The following SLC16A14 variants were observed in gnomAD, a reference collection of about 807,000 sequenced individuals.
SLC16A14 encodes monocarboxylate transporter 14.
In SLC16A14, 14 loss-of-function variants were observed where a neutral mutation model predicts 35.8. The ratio of observed to expected loss-of-function variants is 0.39; its 90% CI spans 0.26 to 0.61. The LOEUF is 0.61. Ranked by LOEUF, SLC16A14 falls within the 20% of genes least tolerant of loss-of-function variation. SLC16A14 has a pLI of 0.51. For missense variants in SLC16A14, 533 were observed against 655.0 expected (o/e 0.81, Z 2.03); for synonymous variants, 248 against 258.9 (o/e 0.96, Z 0.40).
intron 4 of SLC16A14, among the ~76,000 whole-genome samples, chr2:230,037,745 T>C (rs1309163079): frequency 1.3e-5 from 2 of 152,148 alleles, no homozygotes; most frequent in Non-Finnish European, 2.9e-5. Flanking sequence ...AAGGGTGTGC[T>C]GTACACCAGT....
At chr2:230,062,790 G>T (rs975626472) in intron 1 of SLC16A14, among the ~76,000 whole-genome samples, 5 of 152,100 alleles carry the variant, frequency 3.3e-5, no homozygotes, top group African/African-American at 1.2e-4. Context: ...TCTGTCTGGG[G>T]ATCATCTTCT....
At chr2:230,061,663 A>G (rs1233839413) in intron 1 of SLC16A14, among the ~76,000 whole-genome samples, 1 of 152,240 alleles carries the variant, frequency 6.6e-6, no homozygotes, top group Non-Finnish European at 1.5e-5. Flanking sequence ...AACAGTGAAG[A>G]CTGCGAGGTA....
At chr2:230,053,114 T>C (rs1432619642) in intron 2 of SLC16A14, among the ~76,000 whole-genome samples, 1 of 152,072 alleles carries the variant, frequency 6.6e-6, no homozygotes, top group African/African-American at 2.4e-5. Context: ...GCTAATTTTT[T>C]GTATTTTTAG....
Position 230,059,345 on chromosome 2 carries a change from G to T in SLC16A14, c.8C>A (p.Thr3Asn). 1 of 1,559,222 alleles carries T rather than the reference G, an allele frequency of 6.4e-7. No homozygotes were observed. Among genetic ancestry groups the T allele is most frequent in the Non-Finnish European group, 8.7e-7 (1 of 1,152,588 alleles). ...ATCATACCCAATATCTTCATGACTG[G>T]TATACATTTTCCAAGATTTTTCTGA... The part of the protein sequence containing the change: MY[T>N]SHEDIGYDFE... Residue 3 changes from threonine to asparagine, a missense_variant, in exon 2 of 5, where the codon ACC becomes AAC. Transcript: ENST00000295190.
At position 230,045,915 on chromosome 2, in the gene SLC16A14, G is replaced by A. The variant is rs199728364; in HGVS notation, c.1211C>T (p.Thr404Met). The change falls in exon 4 of 5, where the codon ACG (threonine) becomes ATG (methionine). Residue 404 changes from threonine (T) to methionine (M), a missense_variant. Coordinates refer to ENST00000295190, the MANE Select transcript of SLC16A14 (RefSeq NM_152527.5). ...ACAGATGACCGCCAGGCCAGCGTACGTGTGCATCAACGGCAGAATAAAAAT... is the reference window on the plus strand; with the variant it reads ...ACAGATGACCGCCAGGCCAGCGTACATGTGCATCAACGGCAGAATAAAAAT... ...LSIFILPLMH[T>M]YAGLAVICAL... 1.4e-5 allele frequency: 23 copies of A among 1,612,486 alleles called. No homozygotes were observed. In the East Asian group the frequency reaches 4.5e-4, roughly 31 times the overall value.
intron 2 of SLC16A14, 113 bp from the exon 3 acceptor site, chr2:230,050,017 A>G (rs1272365832): frequency 3.2e-6 from 4 of 1,263,288 alleles, no homozygotes; most frequent in Non-Finnish European, 4.3e-6. Context: ...GTTAAATGAC[A>G]CAAAAAGCCC....
chr2:230,063,523 A>C (rs956391338), intron 1 of SLC16A14, among the ~76,000 whole-genome samples: 16 of 152,184 alleles, frequency 1.1e-4, no homozygotes, highest in Admixed American at 8.5e-4. Flanking sequence ...ACTATCTAAC[A>C]TCAGAATACT....
In SLC16A14 at chr2:230,037,380, C is replaced by G. The variant is rs1577379485; in HGVS notation, c.1533G>C (p.Ter511TyrextTer85). The change falls in exon 5 of 5, where the codon TAG becomes TAC. Residue 511 changes from the stop codon to tyrosine, a stop_lost. Coordinates refer to ENST00000295190, the MANE Select transcript of SLC16A14 (RefSeq NM_152527.5). ...AACCTACACGGAACATTACATGATA[C>G]TAAACATGTGCACCATCCATGTATT... ...RRKYMDGAHV[*>Y] is the part of the protein sequence containing the mutation. 4 of 1,598,570 alleles carry G rather than the reference C, an allele frequency of 2.5e-6. No homozygotes were observed. The South Asian group carries it at 4.6e-5, about 18-fold the overall frequency.
intron 3 of SLC16A14, among the ~76,000 whole-genome samples, chr2:230,048,056 C>A (rs78944444): frequency 6.6e-6 from 1 of 152,284 alleles, no homozygotes; most frequent in East Asian, 1.9e-4. Context: ...TCACCTTCTC[C>A]TCCTGTCAAA....
At chr2:230,058,966 T>C in intron 2 of SLC16A14, 128 bp downstream of exon 2, 1 of 1,463,246 alleles carries the variant, frequency 6.8e-7, no homozygotes, top group Non-Finnish European at 9.1e-7. Context: ...GCATATTTTA[T>C]CACAATTGAA....
At position 230,036,765 on chromosome 2, in the gene SLC16A14, AGAG is replaced by A. The variant is rs1291759738; in HGVS notation, c.*612_*614del. ...GGATTAATGGCAAGTGCCTTCTTTT[AGAG>A]GAGGATTTAGGAGTCACAATCCCTA... On this transcript the variant is annotated 3_prime_UTR_variant, in exon 5 of 5. Transcript: ENST00000295190. 1.3e-5 allele frequency: 2 copies of A among 152,216 alleles called. No homozygotes were observed. The highest frequency in any genetic ancestry group is 4.8e-5 in the African/African-American group (2 of 41,452). 9.4% of individuals were successfully genotyped at this position (152,216 alleles called of 1,614,324 possible).
At chr2:230,044,678 A>G (rs978035058) in intron 4 of SLC16A14, among the ~76,000 whole-genome samples, 1 of 151,492 alleles carries the variant, frequency 6.6e-6, no homozygotes, top group African/African-American at 2.4e-5. Context: ...GCTGACCTCC[A>G]GAACAGTAAG....
rs1205855420 is a variant in SLC16A14, at chr2:230,035,801, C to A, written c.*1579G>T. On this transcript the variant is annotated 3_prime_UTR_variant, in exon 5 of 5. Coordinates refer to ENST00000295190, the MANE Select transcript of SLC16A14 (RefSeq NM_152527.5). ...TTATTTTGGTGGTCCTTTCATTACA[C>A]AACCACTCCCACTATACATTAGAGC... 2.0e-5 allele frequency: 3 copies of A among 152,184 alleles called. No homozygotes were observed. The highest frequency in any genetic ancestry group is 4.4e-5 in the Non-Finnish European group (3 of 68,034). 9.4% of individuals were successfully genotyped at this position (152,184 alleles called of 1,614,324 possible).
At position 230,037,246 on chromosome 2, in the gene SLC16A14, C is replaced by T. The variant is rs148604703; in HGVS notation, c.*134G>A. On this transcript the variant is annotated 3_prime_UTR_variant, in exon 5 of 5. Coordinates refer to ENST00000295190, the MANE Select transcript of SLC16A14 (RefSeq NM_152527.5). ...GTGCTGCTTACAAATGAGGCTGTGA[C>T]AATGGCATTTACAAATGACAGTGCC... 617 of 720,454 alleles carry T rather than the reference C, an allele frequency of 8.6e-4. 4 individuals are homozygous for T. The African/African-American group carries it at 0.01, about 12-fold the overall frequency. 44.6% of individuals were successfully genotyped at this position (720,454 alleles called of 1,614,324 possible).
At chr2:230,047,629 G>A (rs945245612) in intron 3 of SLC16A14, among the ~76,000 whole-genome samples, 3 of 152,148 alleles carry the variant, frequency 2.0e-5, no homozygotes, top group Admixed American at 6.6e-5. Flanking sequence ...TTAAAGAACT[G>A]TTTTAACCAG....
intron 2 of SLC16A14, among the ~76,000 whole-genome samples, chr2:230,055,584 A>T (rs1310850067): frequency 6.6e-6 from 1 of 152,200 alleles, no homozygotes; most frequent in Non-Finnish European, 1.5e-5. Flanking sequence ...CTGTCAATTA[A>T]ATTAAGTATG....
intron 1 of SLC16A14, among the ~76,000 whole-genome samples, chr2:230,062,603 G>A (rs1198666523): frequency 6.6e-6 from 1 of 152,036 alleles, no homozygotes. Flanking sequence ...CCAAAGTGCT[G>A]GGATTACTTT....
rs2077645221 is a variant in SLC16A14 at position 230,049,904 on chromosome 2, C to G, written c.260G>C (p.Gly87Ala). 3.7e-6 allele frequency: 6 copies of G among 1,613,812 alleles called. No individual in the cohort carries two copies. Among genetic ancestry groups the G allele is most frequent in the African/African-American group, 1.3e-5 (1 of 75,032 alleles). The change falls in exon 3 of 5, where the codon GGC (glycine) becomes GCC (alanine). Residue 87 changes from glycine (G) to alanine (A), a missense_variant and splice_region_variant. By Grantham distance (60) the Gly-to-Ala change is moderately conservative. Transcript: ENST00000295190. ...GTTAATGAACAAGCCGATGAAAGGG[C>G]CTGTCACAGAGCATTGGAAAAGGAA... Reference protein sequence around the residue: ...SLSMGITLIVGPFIGLFINTC... With the variant: ...SLSMGITLIVAPFIGLFINTC...
intron 2 of SLC16A14, among the ~76,000 whole-genome samples, chr2:230,056,820 C>T (rs10169000): frequency 0.49 from 72,571 of 147,824 alleles, 18,345 homozygotes; most frequent in African/African-American, 0.6. Context: ...CAGTGAGTTA[C>T]GATTGTGCTA....
Sources: allele counts gnomAD v4.1 joint callset (sites outside exome capture counted in the v4.1 genomes callset), GRCh38; gene constraint gnomAD v4.1.1; transcripts MANE v1.5; gene names NCBI Gene and HGNC (gene_info 2026-07-23, HGNC 2026-07-21).